RARB: variants seen among roughly 807,000 people sequenced by gnomAD.
RARB encodes the protein HBV-activated protein.
RARB carries 17 observed loss-of-function variants against 51.9 expected under a neutral mutation model. That is an observed-to-expected ratio of 0.33 (90% CI 0.22 to 0.49). RARB has a LOEUF of 0.49. Ranked by LOEUF, RARB falls within the 20% of genes least tolerant of loss-of-function variation. RARB has a pLI of 0.99. For synonymous variants in RARB, 215 were observed against 195.4 expected (o/e 1.10, Z -0.84); for missense variants, 369 against 550.8 (o/e 0.67, Z 3.30).
At chr3:24,979,013 A>T (rs752849157) in intron 2 of RARB, among the ~76,000 whole-genome samples, 4 of 152,112 alleles carry the variant, frequency 2.6e-5, no homozygotes, top group Non-Finnish European at 5.9e-5. Flanking sequence ...TTATTTACCC[A>T]GTAGTCATTT....
chr3:24,863,616 T>C (rs749728127), intron 2 of RARB, among the ~76,000 whole-genome samples: 2 of 151,910 alleles, frequency 1.3e-5, no homozygotes, highest in Non-Finnish European at 2.9e-5. Context: ...CTTGTACGCC[T>C]GGCCTGTTCA....
chr3:25,170,922 C>T (rs922851708), intron 4 of RARB, among the ~76,000 whole-genome samples: 1 of 152,096 alleles, frequency 6.6e-6, no homozygotes, highest in Admixed American at 6.5e-5. Flanking sequence ...AGTGGTTGAC[C>T]AATCATGCTA....
chr3:24,960,218 C>G (rs953778390), intron 2 of RARB, among the ~76,000 whole-genome samples: 6 of 152,130 alleles, frequency 3.9e-5, no homozygotes, highest in African/African-American at 1.4e-4. Context: ...GTTTTTAGGG[C>G]ACACATCTTT....
Position 24,976,250 on chromosome 3 carries a change from A to T in RARB, c.-379-83875A>T, listed in dbSNP as rs144581045. On this transcript the variant is annotated intron_variant, in intron 2 of 11. Coordinates refer to the RARB transcript ENST00000383772. ...AACATGCATGTGCATGTGTCTCTAT[A>T]GTAGCAGGATTTATAATTCTTTTGG... Among the ~76,000 whole-genome samples, 548 of 152,302 alleles carry T rather than the reference A, an allele frequency of 3.6e-3. 2 individuals carry two copies. Among genetic ancestry groups the T allele is most frequent in the African/African-American group, 0.012 (515 of 41,574 alleles).
intron 4 of RARB, among the ~76,000 whole-genome samples, chr3:25,570,298 C>T (rs537185936): frequency 1.8e-4 from 28 of 152,238 alleles, no homozygotes; most frequent in Non-Finnish European, 3.1e-4. Flanking sequence ...TGAAGCGTTA[C>T]ATGGGTCATG....
rs76588161 is a variant in RARB at position 25,272,111 on chromosome 3, A to G, written c.178+97536A>G. Among the ~76,000 whole-genome samples the G allele has an allele frequency of 7.5e-3, 1,148 of 152,348 alleles. 19 individuals are homozygous for G. Among genetic ancestry groups the G allele is most frequent in the African/African-American group, 0.026 (1,090 of 41,578 alleles). ...GCAGCCATGTGCTAGTGGTAACCAT[A>G]TTAGAAAGTATAGATATAAAACATT... On this transcript the variant is annotated intron_variant, in intron 5 of 11. Transcript: ENST00000383772.
chr3:25,066,643 C>G (rs1335187695), intron 3 of RARB, among the ~76,000 whole-genome samples: 1 of 151,882 alleles, frequency 6.6e-6, no homozygotes, highest in Non-Finnish European at 1.5e-5. Flanking sequence ...CTTTCTCTCT[C>G]TTACCCTGTC....
intron 5 of RARB, among the ~76,000 whole-genome samples, chr3:25,370,251 G>A (rs751492602): frequency 5.3e-5 from 8 of 152,142 alleles, no homozygotes; most frequent in African/African-American, 1.9e-4. Flanking sequence ...AAATAAGAAT[G>A]TATGCATGAA....
intron 5 of RARB, among the ~76,000 whole-genome samples, chr3:25,218,460 A>T (rs928534587): frequency 1.3e-5 from 2 of 152,178 alleles, no homozygotes; most frequent in African/African-American, 4.8e-5. Flanking sequence ...AAATAGAAAC[A>T]TGCTCAGCAT....
chr3:24,983,741 C>T (rs1696727308), intron 2 of RARB, among the ~76,000 whole-genome samples: 1 of 151,970 alleles, frequency 6.6e-6, no homozygotes, highest in South Asian at 2.1e-4. Flanking sequence ...GGTCTGTCTG[C>T]TTCTCCTCTA....
chr3:25,491,185 G>A (rs571757084), intron 2 of RARB, among the ~76,000 whole-genome samples: 16 of 152,156 alleles, frequency 1.1e-4, no homozygotes, highest in Non-Finnish European at 5.9e-5. Context: ...TCTTGAAACC[G>A]TGCGTAGATA....
chr3:25,516,493 A>G (rs912478064), intron 3 of RARB, among the ~76,000 whole-genome samples: 16 of 152,214 alleles, frequency 1.1e-4, no homozygotes, highest in African/African-American at 3.4e-4. Flanking sequence ...CTTCAAATGA[A>G]TAATCAAATT....
intron 2 of RARB, among the ~76,000 whole-genome samples, chr3:24,913,865 C>A (rs1366942946): frequency 1.3e-5 from 2 of 152,182 alleles, no homozygotes; most frequent in Non-Finnish European, 2.9e-5. Context: ...AGTACTCCAG[C>A]ACTTAGTGAC....
intron 2 of RARB, among the ~76,000 whole-genome samples, chr3:25,028,192 T>G (rs1034182196): frequency 6.6e-6 from 1 of 152,190 alleles, no homozygotes; most frequent in African/African-American, 2.4e-5. Context: ...CTCATTAGAA[T>G]GCAATTCTCA....
At chr3:25,154,466 G>T (rs1700342847) in intron 4 of RARB, among the ~76,000 whole-genome samples, 1 of 152,094 alleles carries the variant, frequency 6.6e-6, no homozygotes, top group Non-Finnish European at 1.5e-5. Context: ...CAAAGTCTTG[G>T]GCCCTCTCAG....
intron 5 of RARB, among the ~76,000 whole-genome samples, chr3:25,241,640 T>C (rs935551583): frequency 6.6e-6 from 1 of 152,256 alleles, no homozygotes; most frequent in Non-Finnish European, 1.5e-5. Context: ...GCAAAGGACA[T>C]GAACTCATTC....
At chr3:25,350,562 C>G (rs1350664234) in intron 5 of RARB, among the ~76,000 whole-genome samples, 1 of 152,178 alleles carries the variant, frequency 6.6e-6, no homozygotes, top group Non-Finnish European at 1.5e-5. Context: ...TCACCACTGC[C>G]TAATGCTTTA....
At chr3:24,921,050 T>TA (rs2125386883) in intron 2 of RARB, among the ~76,000 whole-genome samples, 1 of 152,234 alleles carries the variant, frequency 6.6e-6, no homozygotes, top group African/African-American at 2.4e-5. Flanking sequence ...CCCAAGCAGG[T>TA]AAAAGCAGGT....
In RARB at chr3:25,045,505, G is replaced by A. The variant is rs138831020; in HGVS notation, c.-379-14620G>A. Among the ~76,000 whole-genome samples, 23 of 152,286 alleles carry A rather than the reference G, an allele frequency of 1.5e-4. 1 individual carries two copies. The highest frequency in any genetic ancestry group is 5.2e-4 in the Admixed American group (8 of 15,300). ...CCCTCCAGAGGAGTGTCCTGTTTCT[G>A]TGTGTTCATTGTTTGGGGCCTCTGT... is the stretch of plus-strand genomic sequence containing the variant. On this transcript the variant is annotated intron_variant, in intron 2 of 11. Coordinates refer to the RARB transcript ENST00000383772.
Sources: allele counts gnomAD v4.1 joint callset (sites outside exome capture counted in the v4.1 genomes callset), GRCh38; gene constraint gnomAD v4.1.1; transcripts MANE v1.5; gene names NCBI Gene and HGNC (gene_info 2026-07-23, HGNC 2026-07-21).